Variants in VPS11 observed in about 807,000 individuals in gnomAD.
The protein encoded by VPS11 is vacuolar protein sorting-associated protein 11 homolog.
In VPS11, 51 loss-of-function variants were observed where a neutral mutation model predicts 106.8. The ratio of observed to expected loss-of-function variants is 0.48; its 90% confidence interval spans 0.38 to 0.60. The LOEUF (loss-of-function observed/expected upper bound fraction) is 0.60. VPS11 is among the 20% of genes least tolerant of loss of function. The pLI, the probability that VPS11 is intolerant of heterozygous loss-of-function variation, is 0.00. For missense variants in VPS11, 950 were observed against 1,190.0 expected (o/e 0.80, Z 2.97); for synonymous variants, 453 against 458.7 (o/e 0.99, Z 0.16).
Position 119,070,402 on chromosome 11 carries a change from G to T in VPS11, c.636+5G>T. 6.2e-7 allele frequency: 1 copy of T among 1,608,446 alleles called. No homozygotes were observed. Among genetic ancestry groups the T allele is most frequent in the Non-Finnish European group, 8.5e-7 (1 of 1,176,018 alleles). ...GTGACAACAGAGAACGTCCAGGTAT[G>T]ACCAAGGCCTCCACTCTTAGGAGCA... is the stretch of plus-strand genomic sequence containing the variant. On this transcript the variant is annotated splice_donor_5th_base_variant and intron_variant, in intron 4 of 15. Transcript: ENST00000621676.
rs1476366060 is a variant in VPS11 at position 119,078,848 on chromosome 11, T to C, written c.2117T>C (p.Ile706Thr). 2 of 1,613,904 alleles carry C rather than the reference T, an allele frequency of 1.2e-6. No homozygotes were observed. The highest frequency in any genetic ancestry group is 1.7e-6 in the Non-Finnish European group (2 of 1,179,852). ...HMQHEQYRQV[I>T]SVCERHGEQD... ...CAGCACGAGCAGTACCGGCAGGTCA[T>C]CAGCGTGTGTGAGCGCCATGGGGAG... The change falls in exon 13 of 16, where the codon ATC becomes ACC. Residue 706 changes from isoleucine (I) to threonine (T), a missense_variant. Coordinates refer to ENST00000621676, the MANE Select transcript of VPS11 (RefSeq NM_021729.6).
chr11:119,076,225 A>G (rs1945612918), intron 7 of VPS11, among the ~76,000 whole-genome samples: 1 of 149,632 alleles, frequency 6.7e-6, no homozygotes, highest in Non-Finnish European at 1.5e-5. Flanking sequence ...CTTCGTCTCA[A>G]AAAAATAATA....
At chr11:119,075,384 A>G (rs1188575672) in intron 7 of VPS11, among the ~76,000 whole-genome samples, 2 of 151,712 alleles carry the variant, frequency 1.3e-5, no homozygotes, top group Non-Finnish European at 2.9e-5. Flanking sequence ...GCAAGACCCC[A>G]TTTCTAACAA....
At position 119,078,712 on chromosome 11, in the gene VPS11, T is replaced by G. The variant is rs371342017; in HGVS notation, c.2063+8T>G. 6.2e-7 allele frequency: 1 copy of G among 1,609,304 alleles called. No individual in the cohort carries two copies. Among genetic ancestry groups the G allele is most frequent in the African/African-American group, 1.3e-5 (1 of 74,682 alleles). On this transcript the variant is annotated splice_region_variant and intron_variant, in intron 12 of 15. Coordinates refer to ENST00000621676, the MANE Select transcript of VPS11 (RefSeq NM_021729.6). Reference sequence around the variant, plus strand: ...TTATGAGCAGGGGAAGCTGTAAGAGTTTGGGGAATTTCAGGGAAAGGGGAA... The same window carrying G: ...TTATGAGCAGGGGAAGCTGTAAGAGGTTGGGGAATTTCAGGGAAAGGGGAA...
At chr11:119,074,467 G>A (rs1431484275) in intron 7 of VPS11, among the ~76,000 whole-genome samples, 1 of 152,018 alleles carries the variant, frequency 6.6e-6, no homozygotes. Context: ...GTGCAATGGT[G>A]TGATCTCGGC....
At chr11:119,078,389 T>TC in intron 11 of VPS11, 55 bp downstream of exon 11, 1 of 1,592,828 alleles carries the variant, frequency 6.3e-7, no homozygotes, top group South Asian at 1.1e-5. Flanking sequence ...TCTCCATTCT[T>TC]CCGTCTTGGT....
intron 14 of VPS11, 35 bp from the exon 15 acceptor site, chr11:119,081,057 T>G (rs377165836): frequency 1.9e-5 from 31 of 1,596,608 alleles, no homozygotes; most frequent in Non-Finnish European, 2.6e-5. Context: ...TTGCCCTCAC[T>G]TTTGCCACTC....
Position 119,078,678 on chromosome 11 carries a change from C to T in VPS11, c.2037C>T (p.Val679=). 6.2e-7 allele frequency: 1 copy of T among 1,612,566 alleles called. No individual in the cohort carries two copies. Among genetic ancestry groups the T allele is most frequent in the African/African-American group, 1.3e-5 (1 of 74,978 alleles). The change falls in exon 12 of 16, where the codon GTC becomes GTT. Residue 679 remains valine (V), a synonymous_variant. Transcript: ENST00000621676. ...AGATGCACGACTTCCAGGATGGTGT[C>T]CTTTACCTTTATGAGCAGGGGAAGC... is the stretch of plus-strand genomic sequence containing the variant. ...LCQMHDFQDG[V]LYLYEQGKLF...
chr11:119,074,927 A>C (rs1201282670), intron 7 of VPS11, among the ~76,000 whole-genome samples: 1 of 152,186 alleles, frequency 6.6e-6, no homozygotes, highest in Non-Finnish European at 1.5e-5. Context: ...TCCTTCCATC[A>C]GTACTAATTC....
Position 119,081,072 on chromosome 11 carries a change from C to G in VPS11, c.2439-20C>G, listed in dbSNP as rs1207663601. ...TTGCCCTCACTTTTGCCACTCACTT[C>G]TGGTCTTTCTTCCCTGTAGTCCTAA... is the stretch of plus-strand genomic sequence containing the variant. On this transcript the variant is annotated intron_variant, in intron 14 of 15. Coordinates refer to ENST00000621676, the MANE Select transcript of VPS11 (RefSeq NM_021729.6). 3 of 1,609,186 alleles carry G rather than the reference C, an allele frequency of 1.9e-6. No homozygotes were observed. The highest frequency in any genetic ancestry group is 2.6e-6 in the Non-Finnish European group (3 of 1,175,738).
At chr11:119,080,033 A>G (rs544796998) in intron 14 of VPS11, among the ~76,000 whole-genome samples, 1 of 152,318 alleles carries the variant, frequency 6.6e-6, no homozygotes, top group Admixed American at 6.5e-5. Context: ...TAGAAGAGAC[A>G]GACAGCAAAC....
chr11:119,071,869 G>C, intron 5 of VPS11, 26 bp downstream of exon 5: 1 of 1,602,414 alleles, frequency 6.2e-7, no homozygotes. Context: ...GAAGGGACAG[G>C]GAGAGGGCTG....
intron 8 of VPS11, 121 bp downstream of exon 8, chr11:119,077,204 G>A (rs1459897294): frequency 2.4e-6 from 3 of 1,270,224 alleles, no homozygotes; most frequent in Admixed American, 2.4e-5. Flanking sequence ...ATTTAGAGGA[G>A]TGGCTGTTCC....
At chr11:119,076,733 A>C in intron 7 of VPS11, 164 bp from the exon 8 acceptor site, 1 of 793,418 alleles carries the variant, frequency 1.3e-6, no homozygotes, top group South Asian at 1.7e-5. Flanking sequence ...GTCTAGTAGC[A>C]CCGATATTAC....
chr11:119,081,033 C>A, intron 14 of VPS11, 59 bp from the exon 15 acceptor site: 2 of 1,511,122 alleles, frequency 1.3e-6, no homozygotes, highest in African/African-American at 1.4e-5. Context: ...CTTTCTCATC[C>A]TTGACTCCTG....
chr11:119,070,201 C>A lies in VPS11; in HGVS notation c.473-33C>A, dbSNP rs1324480135. On this transcript the variant is annotated intron_variant, in intron 3 of 15. Coordinates refer to ENST00000621676, the MANE Select transcript of VPS11 (RefSeq NM_021729.6). The stretch of plus-strand genomic sequence containing the variant: ...CCTCTCCACTTCCTGATCTTTTCAG[C>A]CTTACTGAAGTAATTTTCTTGTTTT... The A allele has an allele frequency of 2.5e-6, 4 of 1,581,572 alleles. No homozygotes were observed. In the East Asian group the frequency reaches 6.8e-5, roughly 27 times the overall value.
At chr11:119,080,509 C>T (rs1197332546) in intron 14 of VPS11, among the ~76,000 whole-genome samples, 2 of 152,026 alleles carry the variant, frequency 1.3e-5, no homozygotes, top group East Asian at 3.9e-4. Flanking sequence ...CCTGGGATTA[C>T]AGGTGCCTGC....
intron 5 of VPS11, 94 bp from the exon 6 acceptor site, chr11:119,073,103 TG>T: frequency 7.1e-7 from 1 of 1,410,050 alleles, no homozygotes; most frequent in Non-Finnish European, 9.7e-7. Context: ...TGATTTGTGC[TG>T]GGTGAAATGT....
rs782112379 is a variant in VPS11 at position 119,071,659 on chromosome 11, C to T, written c.700C>T (p.Arg234Cys). 25 of 1,613,904 alleles carry T rather than the reference C, an allele frequency of 1.5e-5. No homozygotes were observed. Among genetic ancestry groups the T allele is most frequent in the South Asian group, 1.5e-4 (14 of 91,090 alleles). Reference sequence around the variant, plus strand: ...GTTGGACACCCATGGTTGTGGCCTGCGCTGCTCAGCCCTAAGTGACCCTTC... The same window carrying T: ...GTTGGACACCCATGGTTGTGGCCTGTGCTGCTCAGCCCTAAGTGACCCTTC... ...VELDTHGCGL[R>C]CSALSDPSQD... Residue 234 changes from arginine (R) to cysteine (C), a missense_variant, in exon 5 of 16, where the codon CGC becomes TGC. By Grantham distance (180) the Arg-to-Cys change is radical. Transcript: ENST00000621676.
Sources: gnomAD v4.1 joint callset for allele counts (sites outside exome capture counted in the v4.1 genomes callset) on GRCh38, gnomAD v4.1.1 for gene constraint, MANE v1.5 for transcripts, NCBI Gene and HGNC (gene_info 2026-07-23, HGNC 2026-07-21) for gene names.